Variants in SYNE1 observed in about 807,000 individuals in gnomAD.
The protein encoded by SYNE1 is nesprin-1.
SYNE1 carries 616 observed loss-of-function variants against 1,111.0 expected under a neutral mutation model. That is an observed-to-expected ratio of 0.55 (90% CI 0.52 to 0.59). The LOEUF is 0.59. Ranked by LOEUF, SYNE1 falls within the 20% of genes least tolerant of loss-of-function variation. The pLI is 0.00. For synonymous variants in SYNE1, 3,855 were observed against 3,825.8 expected, an observed-to-expected ratio of 1.01 and a Z score of -0.28; for missense variants, 10,006 against 10,417.0, an observed-to-expected ratio of 0.96 and a Z score of 1.72.
intron 104 of SYNE1, among the ~76,000 whole-genome samples, chr6:152,250,323 A>G (rs1260558942): frequency 3.9e-5 from 6 of 152,136 alleles, no homozygotes; most frequent in Non-Finnish European, 1.5e-5. Context: ...CTATTTCATA[A>G]TAGTCAGCAA....
At chr6:152,297,807 G>T (rs1040790584) in intron 93 of SYNE1, among the ~76,000 whole-genome samples, 10 of 101,990 alleles carry the variant, frequency 9.8e-5, no homozygotes, top group Non-Finnish European at 1.8e-4. Context: ...GTGTGTGTGT[G>T]TGTGTGTGTG....
intron 55 of SYNE1, 66 bp downstream of exon 55, chr6:152,385,608 A>C (rs2097514801): frequency 1.3e-6 from 2 of 1,571,746 alleles, no homozygotes; most frequent in African/African-American, 2.7e-5. Context: ...TATCTACAAA[A>C]TCTTTATCAA....
intron 55 of SYNE1, among the ~76,000 whole-genome samples, chr6:152,384,346 C>A (rs578134661): frequency 6.6e-6 from 1 of 152,144 alleles, no homozygotes; most frequent in Non-Finnish European, 1.5e-5. Context: ...CCTCACTAGA[C>A]TGCAAGTTCC....
intron 87 of SYNE1, 181 bp from the exon 88 acceptor site, chr6:152,311,054 A>G: frequency 3.0e-6 from 2 of 663,076 alleles, no homozygotes; most frequent in East Asian, 5.5e-5. Flanking sequence ...TTTCACAGAA[A>G]AAGAAATCAC....
chr6:152,580,725 A>T (rs150776407), intron 3 of SYNE1, among the ~76,000 whole-genome samples: 2 of 152,174 alleles, frequency 1.3e-5, no homozygotes, highest in Non-Finnish European at 2.9e-5. Context: ...ACTCTTCTGC[A>T]TATTAGCCAT....
chr6:152,408,087 A>G (rs6920011), intron 44 of SYNE1, among the ~76,000 whole-genome samples: 3,510 of 152,154 alleles, frequency 0.023, 122 homozygotes, highest in African/African-American at 0.078. Context: ...TAAAAGTGGA[A>G]GCATGTAGGG....
intron 98 of SYNE1, among the ~76,000 whole-genome samples, chr6:152,273,153 A>G (rs1356223110): frequency 6.6e-6 from 1 of 152,196 alleles, no homozygotes; most frequent in African/African-American, 2.4e-5. Flanking sequence ...ACTTCACCCA[A>G]TGTGGGCAGG....
In SYNE1 at chr6:152,330,406, T is replaced by C; in HGVS notation, c.14279A>G (p.His4760Arg). The part of the protein sequence containing the change: ...DKMLHLVTLY[H>R]RLKRQTEQRV... ...CTGTTCTGTTTGTCGCTTCAGCCTG[T>C]GATATAAGGTGACAAGGTGCAGCAT... The change falls in exon 78 of 146, where the codon CAC (histidine) becomes CGC (arginine). Residue 4760 changes from histidine (H) to arginine (R), a missense_variant. By Grantham distance (29) the His-to-Arg change is conservative. Coordinates refer to ENST00000367255, the MANE Select transcript of SYNE1 (RefSeq NM_182961.4). 6.2e-7 allele frequency: 1 copy of C among 1,614,144 alleles called. No individual in the cohort carries two copies.
chr6:152,303,371 C>A (rs1307698339), intron 91 of SYNE1, among the ~76,000 whole-genome samples: 25 of 149,262 alleles, frequency 1.7e-4, no homozygotes, highest in African/African-American at 5.2e-4. Context: ...CCACTGTACT[C>A]CAGCCTGGGC....
chr6:152,253,858 T>TTTTTTTTTTTTTTTTTC (rs2090143826), intron 104 of SYNE1, among the ~76,000 whole-genome samples: 1 of 121,844 alleles, frequency 8.2e-6, no homozygotes, highest in Non-Finnish European at 1.6e-5. Context: ...TTTTTTTTTT[T>TTTTTTTTTTTTTTTTTC]TTGCAAATCA....
At chr6:152,155,077 T>G in intron 132 of SYNE1, 35 bp from the exon 133 acceptor site, 2 of 1,613,782 alleles carry the variant, frequency 1.2e-6, no homozygotes, top group Non-Finnish European at 1.7e-6. Context: ...ATTCAGATTA[T>G]TGGAGACTGT....
intron 22 of SYNE1, 63 bp from the exon 23 acceptor site, chr6:152,456,107 A>G: frequency 1.9e-6 from 3 of 1,557,388 alleles, no homozygotes; most frequent in Non-Finnish European, 2.6e-6. Flanking sequence ...AGAAAGAAAG[A>G]GAGTGACCAT....
In SYNE1 at chr6:152,262,131, A is replaced by G. The variant is rs1317864244; in HGVS notation, c.18873T>C (p.Ala6291=). ...ELGMEGEKSS[A]EDQMRMKWES... is the part of the protein sequence containing the mutation. ...CCCATTTCATTCTCATCTGGTCTTCAGCGGATGATTTCTCCCCTTCCATCC... is the reference window on the plus strand; with the variant it reads ...CCCATTTCATTCTCATCTGGTCTTCGGCGGATGATTTCTCCCCTTCCATCC... The change falls in exon 101 of 146, where the codon GCT becomes GCC. Residue 6291 remains alanine (A), a synonymous_variant. Coordinates refer to ENST00000367255, the MANE Select transcript of SYNE1 (RefSeq NM_182961.4). The G allele has an allele frequency of 3.1e-6, 5 of 1,613,812 alleles. No homozygotes were observed. The highest frequency in any genetic ancestry group is 1.3e-5 in the African/African-American group (1 of 74,898).
chr6:152,512,978 G>A (rs2099093070), intron 6 of SYNE1, among the ~76,000 whole-genome samples: 1 of 152,182 alleles, frequency 6.6e-6, no homozygotes, highest in Non-Finnish European at 1.5e-5. Context: ...TGTTCTCAAA[G>A]GGTGATTCCC....
chr6:152,133,597 C>A (rs1209632884), intron 142 of SYNE1, 109 bp from the exon 143 acceptor site: 1 of 1,093,258 alleles, frequency 9.1e-7, no homozygotes. Flanking sequence ...TATACCTGAG[C>A]ATCAAACGTG....
chr6:152,233,260 A>T (rs2083200007), intron 112 of SYNE1, among the ~76,000 whole-genome samples: 1 of 152,160 alleles, frequency 6.6e-6, no homozygotes, highest in South Asian at 2.1e-4. Context: ...ACACATACCC[A>T]CACCCACATA....
chr6:152,293,880 T>A, intron 94 of SYNE1, 80 bp downstream of exon 94: 2 of 1,610,046 alleles, frequency 1.2e-6, no homozygotes, highest in South Asian at 2.2e-5. Flanking sequence ...ATATGTAAAC[T>A]CTCTGCATGT....
At chr6:152,630,908 C>T (rs1009002300) in intron 2 of SYNE1, among the ~76,000 whole-genome samples, 3 of 152,238 alleles carry the variant, frequency 2.0e-5, no homozygotes, top group African/African-American at 7.2e-5. Flanking sequence ...TGCCCTCTCT[C>T]TCTCTCGTTA....
intron 5 of SYNE1, among the ~76,000 whole-genome samples, chr6:152,523,463 A>G (rs2154351484): frequency 1.3e-5 from 2 of 152,268 alleles, no homozygotes; most frequent in Middle Eastern, 6.8e-3. Context: ...ATAGCCTTGT[A>G]GTATAATTCA....
Sources: gnomAD v4.1 joint callset for allele counts (sites outside exome capture counted in the v4.1 genomes callset) on GRCh38, gnomAD v4.1.1 for gene constraint, MANE v1.5 for transcripts, NCBI Gene and HGNC (gene_info 2026-07-23, HGNC 2026-07-21) for gene names.